The following METTL15 variants were observed in gnomAD, a reference collection of about 807,000 sequenced individuals.
METTL15 encodes the protein methyltransferase 15, mitochondrial 12S rRNA N4-cytidine.
A neutral mutation model predicts 38.3 loss-of-function variants in METTL15; 34 were observed. That is an observed-to-expected ratio of 0.89 (90% CI 0.68 to 1.18). The LOEUF is 1.18. Ranked by LOEUF, METTL15 falls within the 50% of genes most tolerant of loss-of-function variation. METTL15 has a pLI of 0.00. For missense variants in METTL15, 438 were observed against 498.4 expected, an observed-to-expected ratio of 0.88 and a Z score of 1.15; for synonymous variants, 162 against 170.9, an observed-to-expected ratio of 0.95 and a Z score of 0.41.
intron 4 of METTL15, among the ~76,000 whole-genome samples, chr11:28,232,336 T>A (rs1853720794): frequency 2.0e-5 from 3 of 151,852 alleles, no homozygotes; most frequent in Admixed American, 2.0e-4. Context: ...AGGGAATCTA[T>A]ATGGGAATTA....
chr11:28,133,686 G>A (rs1165001179), intron 3 of METTL15, among the ~76,000 whole-genome samples: 1 of 152,110 alleles, frequency 6.6e-6, no homozygotes, highest in Admixed American at 6.5e-5. Context: ...CCATGGAGAG[G>A]CCTATGTAGA....
At chr11:28,239,160 T>C (rs556331869) in intron 4 of METTL15, among the ~76,000 whole-genome samples, 1 of 152,312 alleles carries the variant, frequency 6.6e-6, no homozygotes, top group Admixed American at 6.5e-5. Context: ...TTCAGCCTTA[T>C]CCCATCCAAC....
chr11:28,436,563 G>GTT (rs571658383), intron 6 of METTL15, among the ~76,000 whole-genome samples: 2 of 139,804 alleles, frequency 1.4e-5, no homozygotes, highest in East Asian at 2.1e-4. Flanking sequence ...GACATTGAGT[G>GTT]TTTTTTTTTT....
At chr11:28,134,624 G>T (rs1403589943) in intron 3 of METTL15, 1 of 398,360 alleles carries the variant, frequency 2.5e-6, no homozygotes, top group Non-Finnish European at 4.4e-6. Flanking sequence ...TTGGAAAAGC[G>T]GCAGTTAGGA....
intron 6 of METTL15, among the ~76,000 whole-genome samples, chr11:28,299,898 TATATCACTG>T (rs1052155746): frequency 5.9e-5 from 9 of 152,246 alleles, no homozygotes; most frequent in Middle Eastern, 6.8e-3. Flanking sequence ...GGCTTGTCGA[TATATCACTG>T]TTTCTGCCTC....
At chr11:28,113,148 C>T (rs1242007896) in intron 2 of METTL15, among the ~76,000 whole-genome samples, 170 bp from the exon 3 acceptor site, 1 of 151,732 alleles carries the variant, frequency 6.6e-6, no homozygotes, top group African/African-American at 2.4e-5. Flanking sequence ...AGGTTCCTTG[C>T]TTTGTATATA....
At chr11:28,365,784 A>T (rs972074676) in intron 5 of METTL15, among the ~76,000 whole-genome samples, 5 of 152,166 alleles carry the variant, frequency 3.3e-5, no homozygotes, top group Non-Finnish European at 7.3e-5. Flanking sequence ...GCGGTGGCTC[A>T]TGAGCGCCTG....
At chr11:28,218,125 T>C (rs985511924) in intron 4 of METTL15, among the ~76,000 whole-genome samples, 3 of 152,196 alleles carry the variant, frequency 2.0e-5, no homozygotes, top group Non-Finnish European at 2.9e-5. Context: ...GGGGATGGCA[T>C]TGAATCTATA....
intron 6 of METTL15, among the ~76,000 whole-genome samples, chr11:28,427,480 G>A (rs1446854265): frequency 6.6e-6 from 1 of 152,116 alleles, no homozygotes; most frequent in Non-Finnish European, 1.5e-5. Flanking sequence ...AATGTCAACG[G>A]TAGTTTAATG....
At chr11:28,447,231 T>C (rs1349796753) in intron 6 of METTL15, among the ~76,000 whole-genome samples, 1 of 152,092 alleles carries the variant, frequency 6.6e-6, no homozygotes, top group Non-Finnish European at 1.5e-5. Context: ...TGGGCCCAAC[T>C]GAATGTAATT....
At chr11:28,466,367 A>T (rs746945312) in intron 6 of METTL15, among the ~76,000 whole-genome samples, 1 of 152,238 alleles carries the variant, frequency 6.6e-6, no homozygotes, top group Admixed American at 6.5e-5. Context: ...AATTCAGTTA[A>T]TAAAGAGTTT....
At chr11:28,507,613 C>A (rs370138296) in intron 6 of METTL15, among the ~76,000 whole-genome samples, 18 of 152,266 alleles carry the variant, frequency 1.2e-4, no homozygotes, top group African/African-American at 4.1e-4. Flanking sequence ...AGTACAGAAA[C>A]CTCGATTTTC....
rs559487138 is a variant in METTL15, at chr11:28,361,918, T to A, written c.*259-19T>A. The A allele has an allele frequency of 3.3e-5, 5 of 152,290 alleles. No homozygotes were observed. The East Asian group carries it at 9.7e-4, about 29-fold the overall frequency. 9.4% of individuals were successfully genotyped at this position (152,290 alleles called of 1,614,324 possible). A position where few individuals can be genotyped will look rare whatever the true frequency, so the allele number is the denominator to read the frequency against. ...CCTGTGCAATTCTGCTTCTTATTTA[T>A]GTTTCTTATGTTTTACAGGCATTTT... On this transcript the variant is annotated intron_variant and NMD_transcript_variant, in intron 4 of 7. Transcript: ENST00000532947.
At chr11:28,415,730 T>C (rs1318341621) in intron 5 of METTL15, among the ~76,000 whole-genome samples, 2 of 152,190 alleles carry the variant, frequency 1.3e-5, no homozygotes, top group African/African-American at 2.4e-5. Context: ...TTCCTTGAGC[T>C]GATATAGACT....
At chr11:28,442,451 A>G (rs1260515032) in intron 6 of METTL15, among the ~76,000 whole-genome samples, 1 of 152,134 alleles carries the variant, frequency 6.6e-6, no homozygotes, top group East Asian at 1.9e-4. Context: ...GCATTATCTC[A>G]AGACCATGAG....
intron 3 of METTL15, among the ~76,000 whole-genome samples, chr11:28,351,875 C>T (rs1487832093): frequency 6.6e-6 from 1 of 152,166 alleles, no homozygotes; most frequent in East Asian, 1.9e-4. Context: ...GTTTTATAAA[C>T]TTAGCTAGGA....
At chr11:28,473,081 A>G (rs1851315923) in intron 6 of METTL15, among the ~76,000 whole-genome samples, 1 of 152,176 alleles carries the variant, frequency 6.6e-6, no homozygotes, top group South Asian at 2.1e-4. Flanking sequence ...AGGAAAGAGC[A>G]TGTAGTTCTA....
chr11:28,294,163 C>T (rs1414616297), intron 5 of METTL15, among the ~76,000 whole-genome samples: 1 of 152,152 alleles, frequency 6.6e-6, no homozygotes, highest in Non-Finnish European at 1.5e-5. Context: ...TCCAGGTTTG[C>T]CCATTCAGTA....
At chr11:28,512,980 A>G (rs1298159617) in intron 6 of METTL15, among the ~76,000 whole-genome samples, 2 of 152,206 alleles carry the variant, frequency 1.3e-5, no homozygotes, top group East Asian at 3.8e-4. Flanking sequence ...GAGAAAGAGG[A>G]GGGATTGGTC....
Sources: allele counts gnomAD v4.1 joint callset (sites outside exome capture counted in the v4.1 genomes callset), GRCh38; gene constraint gnomAD v4.1.1; transcripts MANE v1.5; gene names NCBI Gene and HGNC (gene_info 2026-07-23, HGNC 2026-07-21).